Variants in CSMD1 observed in about 807,000 individuals in gnomAD.
CSMD1 encodes the protein CUB and Sushi multiple domains 1.
A neutral mutation model predicts 417.5 loss-of-function variants in CSMD1; 213 were observed. That is an observed-to-expected ratio of 0.51 (90% CI 0.46 to 0.57). The LOEUF (loss-of-function observed/expected upper bound fraction) is 0.57. Ranked by LOEUF, CSMD1 falls within the 20% of genes least tolerant of loss-of-function variation. CSMD1 has a pLI of 0.00. For synonymous variants in CSMD1, 2,862 were observed against 1,736.8 expected (o/e 1.65, Z -16.11); for missense variants, 6,923 against 4,529.7 (o/e 1.53, Z -15.17).
intron 3 of CSMD1, among the ~76,000 whole-genome samples, chr8:4,414,901 T>C: frequency 6.6e-6 from 1 of 152,166 alleles, no homozygotes; most frequent in East Asian, 1.9e-4. Flanking sequence ...CATTAAGTGC[T>C]CTGGGAATTC....
chr8:4,658,607 C>T (rs1804386082), intron 1 of CSMD1, among the ~76,000 whole-genome samples: 1 of 151,988 alleles, frequency 6.6e-6, no homozygotes, highest in Admixed American at 6.6e-5. Context: ...CAATGAATGC[C>T]AGTGCGGAGT....
At chr8:4,580,697 C>T (rs556590593) in intron 2 of CSMD1, among the ~76,000 whole-genome samples, 9 of 152,140 alleles carry the variant, frequency 5.9e-5, no homozygotes, top group South Asian at 2.1e-4. Flanking sequence ...AAGGTAAATG[C>T]GACAACACCA....
At chr8:3,524,148 T>A (rs970382086) in intron 10 of CSMD1, among the ~76,000 whole-genome samples, 1 of 147,168 alleles carries the variant, frequency 6.8e-6, no homozygotes, top group East Asian at 2.1e-4. Context: ...CACGCACATA[T>A]GCATGCACAG....
chr8:4,039,571 T>C (rs984216651), intron 3 of CSMD1, among the ~76,000 whole-genome samples: 37 of 152,296 alleles, frequency 2.4e-4, no homozygotes, highest in African/African-American at 7.0e-4. Context: ...GTGGCAGTCA[T>C]TGAATGCCTT....
intron 1 of CSMD1, among the ~76,000 whole-genome samples, chr8:4,745,490 T>C (rs1389048883): frequency 6.6e-6 from 1 of 152,174 alleles, no homozygotes; most frequent in Non-Finnish European, 1.5e-5. Context: ...TCATATATTC[T>C]TTCTTAGAGT....
chr8:4,019,800 C>T (rs1324919901), intron 4 of CSMD1, among the ~76,000 whole-genome samples: 1 of 152,092 alleles, frequency 6.6e-6, no homozygotes, highest in Non-Finnish European at 1.5e-5. Flanking sequence ...TGACCCACTG[C>T]CACACAGGCC....
At chr8:4,033,879 G>T (rs557089693) in intron 3 of CSMD1, among the ~76,000 whole-genome samples, 24 of 152,252 alleles carry the variant, frequency 1.6e-4, no homozygotes, top group African/African-American at 5.8e-4. Flanking sequence ...TCAGTTGAAT[G>T]GATGAAATTC....
chr8:4,512,512 C>G (rs1425021143), intron 2 of CSMD1, among the ~76,000 whole-genome samples: 1 of 152,116 alleles, frequency 6.6e-6, no homozygotes, highest in Non-Finnish European at 1.5e-5. Context: ...GGTGACACAA[C>G]TGTCTATGTA....
chr8:3,754,433 CTTATTTATTTATTTAT>C (rs34887868), intron 5 of CSMD1, among the ~76,000 whole-genome samples: 2 of 145,496 alleles, frequency 1.4e-5, no homozygotes, highest in African/African-American at 5.0e-5. Context: ...TTAGTAATTC[CTTATTTATTTATTTAT>C]TTATTTATTT....
chr8:3,953,068 A>G (rs923525285), intron 5 of CSMD1, among the ~76,000 whole-genome samples: 1 of 152,174 alleles, frequency 6.6e-6, no homozygotes, highest in East Asian at 1.9e-4. Context: ...AACAGAAAAG[A>G]AACAGTATTT....
intron 2 of CSMD1, among the ~76,000 whole-genome samples, chr8:4,565,373 G>A (rs1798541034): frequency 6.6e-6 from 1 of 152,024 alleles, no homozygotes; most frequent in Non-Finnish European, 1.5e-5. Context: ...GTGCAGCTGT[G>A]GTATGCCCAC....
chr8:4,319,273 G>C (rs1799121610), intron 3 of CSMD1, among the ~76,000 whole-genome samples: 1 of 151,990 alleles, frequency 6.6e-6, no homozygotes, highest in Non-Finnish European at 1.5e-5. Context: ...ATTTATCTTA[G>C]TAATGTCCTT....
intron 10 of CSMD1, among the ~76,000 whole-genome samples, chr8:3,530,432 GTTGT>G (rs766055669): frequency 3.4e-4 from 51 of 152,110 alleles, no homozygotes; most frequent in Non-Finnish European, 6.6e-4. Flanking sequence ...GTTTAGGTGT[GTTGT>G]TTAACTTCCA....
intron 5 of CSMD1, among the ~76,000 whole-genome samples, chr8:3,846,520 G>C (rs1054954927): frequency 2.6e-4 from 39 of 152,170 alleles, no homozygotes; most frequent in African/African-American, 9.2e-4. Flanking sequence ...TATTTCACAG[G>C]AATGGTGGGT....
intron 5 of CSMD1, among the ~76,000 whole-genome samples, chr8:3,776,443 T>C (rs1276231488): frequency 6.6e-6 from 1 of 152,192 alleles, no homozygotes; most frequent in African/African-American, 2.4e-5. Context: ...TAATCTCCTG[T>C]CTGGCCACAT....
chr8:4,512,881 C>A (rs1038756937), intron 2 of CSMD1, among the ~76,000 whole-genome samples: 3 of 150,386 alleles, frequency 2.0e-5, no homozygotes, highest in African/African-American at 4.9e-5. Context: ...ATACCTATTA[C>A]CAAGTGAAAG....
Position 4,026,554 on chromosome 8 carries a change from T to C in CSMD1, c.610+5351A>G, listed in dbSNP as rs141770676. On this transcript the variant is annotated intron_variant, in intron 4 of 69. Coordinates refer to ENST00000635120, the MANE Select transcript of CSMD1 (RefSeq NM_033225.6). ...AATAAACAATGAAGGAAAATACTCTTGGCTTAGGCCAAGTTTTAATGTCAC... is the reference window on the plus strand; with the variant it reads ...AATAAACAATGAAGGAAAATACTCTCGGCTTAGGCCAAGTTTTAATGTCAC... Among the ~76,000 whole-genome samples, 923 of 152,352 alleles carry C rather than the reference T, an allele frequency of 6.1e-3. 8 individuals carry two copies. The highest frequency in any genetic ancestry group is 0.019 in the African/African-American group (772 of 41,588).
At chr8:3,365,012 G>A (rs1809460789) in intron 20 of CSMD1, among the ~76,000 whole-genome samples, 1 of 152,158 alleles carries the variant, frequency 6.6e-6, no homozygotes, top group South Asian at 2.1e-4. Context: ...TTGCGTCACT[G>A]CCATTTTCTT....
intron 22 of CSMD1, among the ~76,000 whole-genome samples, chr8:3,346,885 A>C (rs1808039286): frequency 6.6e-6 from 1 of 152,256 alleles, no homozygotes; most frequent in Non-Finnish European, 1.5e-5. Context: ...GAATAAAAAG[A>C]GCCACGTGTT....
Sources: gnomAD v4.1 joint callset for allele counts (sites outside exome capture counted in the v4.1 genomes callset) on GRCh38, gnomAD v4.1.1 for gene constraint, MANE v1.5 for transcripts, NCBI Gene and HGNC (gene_info 2026-07-23, HGNC 2026-07-21) for gene names.